The following CYB5R4 variants were observed in gnomAD, a reference collection of about 807,000 sequenced individuals.
The protein encoded by CYB5R4 is cytochrome b5 reductase 4, also known as N-terminal cytochrome b5 and cytochrome b5 oxidoreductase domain-containing protein.
In CYB5R4, 55 loss-of-function variants were observed where a neutral mutation model predicts 70.2. That is an observed-to-expected ratio of 0.78 (90% CI 0.63 to 0.98). The LOEUF is 0.98. Among genes scored for constraint, CYB5R4 ranks in the 50% least tolerant of loss-of-function variants. The pLI, the probability that CYB5R4 is intolerant of heterozygous loss-of-function variation, is 0.00. For synonymous variants in CYB5R4, 197 were observed against 199.5 expected (o/e 0.99, Z 0.11); for missense variants, 562 against 612.6 (o/e 0.92, Z 0.87).
chr6:83,951,239 T>G (rs554172212), intron 14 of CYB5R4, among the ~76,000 whole-genome samples: 1 of 152,276 alleles, frequency 6.6e-6, no homozygotes, highest in African/African-American at 2.4e-5. Context: ...GTTCAATACC[T>G]CTCTAACTAT....
At chr6:83,934,513 T>C in intron 10 of CYB5R4, 82 bp from the exon 11 acceptor site, 1 of 939,238 alleles carries the variant, frequency 1.1e-6, no homozygotes. Flanking sequence ...AAACAGAAGC[T>C]GAGTATATGC....
chr6:83,884,757 A>G (rs1423419795), intron 2 of CYB5R4, among the ~76,000 whole-genome samples: 2 of 152,280 alleles, frequency 1.3e-5, no homozygotes, highest in East Asian at 1.9e-4. Context: ...TATTTTATAG[A>G]CAGGAAATGA....
intron 10 of CYB5R4, among the ~76,000 whole-genome samples, chr6:83,931,294 G>A (rs1308318188): frequency 6.6e-6 from 1 of 152,182 alleles, no homozygotes; most frequent in Non-Finnish European, 1.5e-5. Context: ...TGTTGGACAA[G>A]CTTTTTAACT....
intron 11 of CYB5R4, 45 bp downstream of exon 11, chr6:83,934,780 G>A: frequency 1.3e-6 from 2 of 1,549,418 alleles, no homozygotes; most frequent in Non-Finnish European, 1.8e-6. Flanking sequence ...TCTTTTATAA[G>A]CAGTTCAAAA....
rs763049239 is a variant in CYB5R4, at chr6:83,919,396, G to A, written c.507-1G>A. On this transcript the variant is annotated splice_acceptor_variant, in intron 6 of 15. Transcript: ENST00000369681. LOFTEE classifies it high-confidence loss of function. ...TTCATCCTTTTATTTATATTTTACA[G>A]CTATGATTGGTTCCAAACAGACTCT... 2 of 1,467,858 alleles carry A rather than the reference G, an allele frequency of 1.4e-6. No homozygotes were observed. Among genetic ancestry groups the A allele is most frequent in the South Asian group, 1.3e-5 (1 of 78,878 alleles). The allele number at this position is 1,467,858 out of a possible 1,614,324, so 90.9% of individuals were successfully genotyped here.
chr6:83,916,447 G>A (rs1402750914), intron 5 of CYB5R4, among the ~76,000 whole-genome samples: 1 of 152,096 alleles, frequency 6.6e-6, no homozygotes, highest in African/African-American at 2.4e-5. Context: ...ATCTTTCAGT[G>A]CTTCTTAATT....
intron 2 of CYB5R4, among the ~76,000 whole-genome samples, chr6:83,877,876 A>C (rs1169053762): frequency 2.0e-5 from 3 of 152,094 alleles, no homozygotes; most frequent in Admixed American, 1.3e-4. Flanking sequence ...GGGTTCTCCA[A>C]ATTAATTTTG....
chr6:83,871,172 G>A (rs567782359), intron 2 of CYB5R4, among the ~76,000 whole-genome samples: 8 of 151,978 alleles, frequency 5.3e-5, no homozygotes, highest in African/African-American at 1.9e-4. Context: ...AGAGATGGGG[G>A]TTTCACCATG....
intron 10 of CYB5R4, among the ~76,000 whole-genome samples, chr6:83,930,856 C>G (rs2099468036): frequency 6.6e-6 from 1 of 151,998 alleles, no homozygotes; most frequent in South Asian, 2.1e-4. Context: ...ATGGAGATAT[C>G]TGTCATGAAG....
chr6:83,940,367 G>T, intron 13 of CYB5R4, 148 bp from the exon 14 acceptor site: 1 of 1,031,860 alleles, frequency 9.7e-7, no homozygotes, highest in Non-Finnish European at 1.4e-6. Flanking sequence ...TTATTAACTA[G>T]GTTCTTTTAT....
In CYB5R4 at chr6:83,893,547, T is replaced by C. The variant is rs1176476517; in HGVS notation, c.255T>C (p.Tyr85=). 8 of 1,612,260 alleles carry C rather than the reference T, an allele frequency of 5.0e-6. No homozygotes were observed. The highest frequency in any genetic ancestry group is 1.7e-4 in the Middle Eastern group (1 of 6,050). Residue 85 remains tyrosine, a synonymous_variant, in exon 3 of 16, where the codon TAT becomes TAC. Transcript: ENST00000369681. ...GTTTCGTTTATAATGTCAGCCCTTA[T>C]ATGGAGTATCATCCTGGTGGAGAAG... ...IRGFVYNVSP[Y]MEYHPGGEDE... is the part of the protein sequence containing the mutation.
chr6:83,933,090 A>G (rs1439681500), intron 10 of CYB5R4, among the ~76,000 whole-genome samples: 5 of 152,214 alleles, frequency 3.3e-5, no homozygotes, highest in African/African-American at 1.2e-4. Flanking sequence ...GTCTGGAGAA[A>G]GAAATAAAGA....
chr6:83,921,473 A>G (rs962904069), intron 8 of CYB5R4, among the ~76,000 whole-genome samples: 7 of 152,220 alleles, frequency 4.6e-5, no homozygotes. Flanking sequence ...GAAGTCTTCC[A>G]AGGCCCATTG....
chr6:83,910,746 AG>A (rs61762817), intron 4 of CYB5R4, among the ~76,000 whole-genome samples: 1,926 of 152,358 alleles, frequency 0.013, 27 homozygotes, highest in Non-Finnish European at 0.02. Flanking sequence ...GACAAATTGC[AG>A]AGTTGATTAA....
intron 5 of CYB5R4, among the ~76,000 whole-genome samples, chr6:83,916,652 G>T (rs1009281296): frequency 1.3e-5 from 2 of 152,094 alleles, no homozygotes; most frequent in Non-Finnish European, 2.9e-5. Flanking sequence ...ATAGTGTTCT[G>T]CAGAGTTATG....
chr6:83,906,750 A>G (rs1019247892), intron 3 of CYB5R4, among the ~76,000 whole-genome samples: 2 of 152,222 alleles, frequency 1.3e-5, no homozygotes, highest in African/African-American at 4.8e-5. Context: ...GGAGGCAAGT[A>G]TGAAATACCT....
intron 3 of CYB5R4, among the ~76,000 whole-genome samples, chr6:83,906,261 C>T (rs1321933830): frequency 6.6e-6 from 1 of 152,198 alleles, no homozygotes. Context: ...CGGTAGCTGG[C>T]AGTTCCTTGA....
chr6:83,859,985 C>T (rs1304697597), intron 1 of CYB5R4, 128 bp downstream of exon 1: 1 of 848,286 alleles, frequency 1.2e-6, no homozygotes, highest in African/African-American at 1.7e-5. Context: ...CTGTCCTTGC[C>T]TGCAACCTCT....
Position 83,965,468 on chromosome 6 carries a change from A to C in CYB5R4, c.*5590A>C, listed in dbSNP as rs1342290757. 5 of 152,198 alleles carry C rather than the reference A, an allele frequency of 3.3e-5. No individual in the cohort carries two copies. The highest frequency in any genetic ancestry group is 9.6e-5 in the African/African-American group (4 of 41,532). The allele number at this position is 152,198 out of a possible 1,614,324, so 9.4% of individuals were successfully genotyped here. ...CCCTTTGTTTTGGCCAATTTCTCCC[A>C]TTTGGAATGGCTGTATTTACCCAAT... On this transcript the variant is annotated 3_prime_UTR_variant, in exon 16 of 16. Transcript: ENST00000369681.
Sources: gnomAD v4.1 joint callset for allele counts (sites outside exome capture counted in the v4.1 genomes callset) on GRCh38, gnomAD v4.1.1 for gene constraint, MANE v1.5 for transcripts, NCBI Gene and HGNC (gene_info 2026-07-23, HGNC 2026-07-21) for gene names.